GSTA5: variants seen among roughly 807,000 people sequenced by gnomAD.
The protein encoded by GSTA5 is glutathione S-transferase alpha 5, also known as glutathione S-transferase A5.
GSTA5 carries 25 observed loss-of-function variants against 21.8 expected under a neutral mutation model. The observed-to-expected ratio is 1.14, with a 90% CI of 0.83 to 1.60. The LOEUF (loss-of-function observed/expected upper bound fraction) is 1.60. GSTA5 is among the 40% of genes most tolerant of loss of function. GSTA5 has a pLI of 0.00. For synonymous variants in GSTA5, 102 were observed against 89.5 expected, an observed-to-expected ratio of 1.14 and a Z score of -0.78; for missense variants, 330 against 259.2, an observed-to-expected ratio of 1.27 and a Z score of -1.88.
upstream of GSTA5, among the ~76,000 whole-genome samples, chr6:52,842,184 C>T (rs1193930031): frequency 5.9e-5 from 9 of 152,072 alleles, no homozygotes; most frequent in African/African-American, 2.2e-4. Context: ...AGAATGAAAA[C>T]CAATGGCTGC....
exon 5 of GSTA5, chr6:52,832,966 A>G (rs763601578): frequency 6.2e-7 from 1 of 1,614,014 alleles, no homozygotes; most frequent in East Asian, 2.2e-5. Flanking sequence ...CCAACAAGGT[A>G]GTCTTGTCTG....
At chr6:52,843,281 T>A (rs1764407645), upstream of GSTA5, among the ~76,000 whole-genome samples, 1 of 152,234 alleles carries the variant, frequency 6.6e-6, no homozygotes. Context: ...ATGGGATTGC[T>A]GGGTCAAATA....
chr6:52,844,305 G>T (rs1317861226), upstream of GSTA5, among the ~76,000 whole-genome samples: 1 of 152,112 alleles, frequency 6.6e-6, no homozygotes, highest in Non-Finnish European at 1.5e-5. Flanking sequence ...TAGTATATTA[G>T]CCAACTAAAT....
intron 2 of GSTA5, 139 bp from the exon 3 acceptor site, chr6:52,836,507 C>A: frequency 5.8e-6 from 5 of 865,690 alleles, no homozygotes; most frequent in Non-Finnish European, 8.8e-6. Flanking sequence ...CTTGAAACAA[C>A]TTTTTTCCTT....
chr6:52,837,064 T>C (rs948005625), intron 2 of GSTA5, among the ~76,000 whole-genome samples: 2 of 152,210 alleles, frequency 1.3e-5, no homozygotes, highest in African/African-American at 2.4e-5. Context: ...TTGCGACATC[T>C]AAGGCAGGTT....
chr6:52,838,553 C>T (rs1275553050), intron 1 of GSTA5, among the ~76,000 whole-genome samples: 1 of 152,224 alleles, frequency 6.6e-6, no homozygotes, highest in Non-Finnish European at 1.5e-5. Context: ...AGACAAGTCA[C>T]TTTGGTGGAA....
At chr6:52,837,247 G>T (rs1307851162) in intron 2 of GSTA5, among the ~76,000 whole-genome samples, 1 of 152,114 alleles carries the variant, frequency 6.6e-6, no homozygotes, top group African/African-American at 2.4e-5. Flanking sequence ...GATGGGGAGG[G>T]CTCTATGGGA....
chr6:52,841,630 T>C (rs925935822), upstream of GSTA5, among the ~76,000 whole-genome samples: 1 of 152,268 alleles, frequency 6.6e-6, no homozygotes, highest in African/African-American at 2.4e-5. Flanking sequence ...GAGATGTTGC[T>C]GCATTAACTT....
chr6:52,833,170 C>T (rs1561925603), intron 4 of GSTA5, among the ~76,000 whole-genome samples, 180 bp from the exon 5 acceptor site: 1 of 152,208 alleles, frequency 6.6e-6, no homozygotes, highest in Non-Finnish European at 1.5e-5. Flanking sequence ...TATAACTCTG[C>T]TCACTGCTTG....
chr6:52,833,548 G>A (rs72938116), intron 4 of GSTA5, among the ~76,000 whole-genome samples: 1 of 152,142 alleles, frequency 6.6e-6, no homozygotes, highest in African/African-American at 2.4e-5. Flanking sequence ...CATCGACTCT[G>A]GTTCCTAACC....
At chr6:52,843,462 A>T (rs1313768772), upstream of GSTA5, among the ~76,000 whole-genome samples, 1 of 152,208 alleles carries the variant, frequency 6.6e-6, no homozygotes, top group Non-Finnish European at 1.5e-5. Flanking sequence ...ATGAGATGGT[A>T]TCTCATTGTG....
intron 1 of GSTA5, among the ~76,000 whole-genome samples, chr6:52,839,115 A>C (rs1764336115): frequency 6.6e-6 from 1 of 152,160 alleles, no homozygotes; most frequent in Admixed American, 6.5e-5. Context: ...GTTCAGGACA[A>C]ACCTAAGGAA....
exon 6 of GSTA5, chr6:52,831,764 C>G: frequency 6.6e-7 from 1 of 1,505,196 alleles, no homozygotes; most frequent in Non-Finnish European, 9.1e-7. Flanking sequence ...ACAAGAGGCA[C>G]AATCCACACT....
At chr6:52,845,338 G>A (rs1764439288), upstream of GSTA5, among the ~76,000 whole-genome samples, 1 of 152,178 alleles carries the variant, frequency 6.6e-6, no homozygotes, top group African/African-American at 2.4e-5. Context: ...AAGGTCTAGA[G>A]ACATTTTGGG....
upstream of GSTA5, among the ~76,000 whole-genome samples, chr6:52,841,303 T>C (rs1764375027): frequency 2.0e-5 from 3 of 152,070 alleles, no homozygotes; most frequent in African/African-American, 4.8e-5. Flanking sequence ...TGGTTGGTGA[T>C]GGACATGAAT....
upstream of GSTA5, among the ~76,000 whole-genome samples, chr6:52,844,918 T>C (rs1183534733): frequency 6.6e-6 from 1 of 152,204 alleles, no homozygotes; most frequent in Non-Finnish European, 1.5e-5. Context: ...CTATTTATAA[T>C]CCTTATCTGT....
intron 3 of GSTA5, 34 bp from the exon 4 acceptor site, chr6:52,834,316 C>A (rs1358649503): frequency 1.6e-5 from 25 of 1,586,904 alleles, no homozygotes; most frequent in Non-Finnish European, 2.1e-5. Flanking sequence ...CATCAAATGC[C>A]TTTTGCCTTA....
upstream of GSTA5, among the ~76,000 whole-genome samples, chr6:52,844,517 C>A (rs1764427809): frequency 6.6e-6 from 1 of 152,124 alleles, no homozygotes; most frequent in Admixed American, 6.5e-5. Context: ...GGAATATAAG[C>A]TATGGTAATT....
At chr6:52,841,063 C>T (rs1764367768), upstream of GSTA5, among the ~76,000 whole-genome samples, 1 of 152,084 alleles carries the variant, frequency 6.6e-6, no homozygotes, top group South Asian at 2.1e-4. Flanking sequence ...TCTTGGCAGC[C>T]TAAGAGGTGA....
Sources: allele counts gnomAD v4.1 joint callset (sites outside exome capture counted in the v4.1 genomes callset), GRCh38; gene constraint gnomAD v4.1.1; transcripts MANE v1.5; gene names NCBI Gene and HGNC (gene_info 2026-07-23, HGNC 2026-07-21).